Variants in WWOX observed in about 807,000 individuals in gnomAD.
WWOX encodes WW domain-containing oxidoreductase.
In WWOX, 69 loss-of-function variants were observed where a neutral mutation model predicts 46.2. The observed-to-expected ratio is 1.49, with a 90% CI of 1.23 to 1.82. WWOX has a LOEUF of 1.82. Ranked by LOEUF, WWOX falls within the 40% of genes most tolerant of loss-of-function variation. The probability of loss-of-function intolerance (pLI) is 0.00; values close to 1 mark genes in which losing one functional copy is unlikely to be tolerated. For missense variants in WWOX, 919 were observed against 542.6 expected (o/e 1.69, Z -6.89); for synonymous variants, 359 against 202.6 (o/e 1.77, Z -6.56).
Position 78,536,301 on chromosome 16 carries a change from C to T in WWOX, c.1056+103549C>T, listed in dbSNP as rs576452886. Among the ~76,000 whole-genome samples, 37 of 152,086 alleles carry T rather than the reference C, an allele frequency of 2.4e-4. No homozygotes were observed. In the South Asian group the frequency reaches 7.3e-3, roughly 30 times the overall value. ...GGTTGATTGGAGGGTCTGAGTTTCT[C>T]AGCTAAATGAAGGCATGAGGACTGT... On this transcript the variant is annotated intron_variant, in intron 8 of 8. Transcript: ENST00000566780.
chr16:78,711,988 G>T (rs971204706), intron 8 of WWOX, among the ~76,000 whole-genome samples: 2 of 152,146 alleles, frequency 1.3e-5, no homozygotes, highest in Non-Finnish European at 2.9e-5. Flanking sequence ...TCCATAATCT[G>T]TGCTAGTTCG....
Position 78,452,475 on chromosome 16 carries a change from C to CTT in WWOX, c.1056+19741_1056+19742dup, listed in dbSNP as rs397945707. The stretch of plus-strand genomic sequence containing the variant: ...AATAAATACTTTTTTCTCTCTCTCT[C>CTT]TTTTTTTTTTTTTTTTTTTGAGACG... On this transcript the variant is annotated intron_variant, in intron 8 of 8. Coordinates refer to ENST00000566780, the MANE Select transcript of WWOX (RefSeq NM_016373.4). Among the ~76,000 whole-genome samples the CTT allele has an allele frequency of 2.0e-3, 249 of 126,008 alleles. 3 individuals carry two copies. Among genetic ancestry groups the CTT allele is most frequent in the African/African-American group, 4.5e-3 (145 of 32,068 alleles). The allele number at this position is 126,008 out of a possible 152,430, so 82.7% of individuals were successfully genotyped here.
At chr16:79,106,150 C>G (rs1051593857) in intron 8 of WWOX, among the ~76,000 whole-genome samples, 1 of 152,190 alleles carries the variant, frequency 6.6e-6, no homozygotes, top group African/African-American at 2.4e-5. Context: ...AGACCTACTG[C>G]GTCTGGGGGC....
At chr16:78,697,053 C>T (rs1427165586) in intron 8 of WWOX, among the ~76,000 whole-genome samples, 4 of 152,162 alleles carry the variant, frequency 2.6e-5, no homozygotes, top group Non-Finnish European at 4.4e-5. Context: ...GTTTCTTTAT[C>T]CACTTGTTGG....
At chr16:78,391,122 G>A (rs972294347) in intron 6 of WWOX, among the ~76,000 whole-genome samples, 6 of 152,296 alleles carry the variant, frequency 3.9e-5, no homozygotes, top group South Asian at 2.1e-4. Context: ...GGAACCACCC[G>A]CCGTCTGCCT....
intron 8 of WWOX, among the ~76,000 whole-genome samples, chr16:79,025,843 G>T (rs2047629433): frequency 8.6e-6 from 1 of 115,846 alleles, no homozygotes. Context: ...TTGTCGCCTA[G>T]GCTGGAGTGC....
rs147878328 is a variant in WWOX, at chr16:79,010,960, T to C, written c.1057-200648T>C. Among the ~76,000 whole-genome samples, 20 of 151,876 alleles carry C rather than the reference T, an allele frequency of 1.3e-4. No homozygotes were observed. The East Asian group carries it at 3.7e-3, about 28-fold the overall frequency. ...GCTTTGGTTTCTACTTGGAGAGAAA[T>C]AGGGAGGTTTGGGCAGGCTCTGAGT... On this transcript the variant is annotated intron_variant, in intron 8 of 8. Transcript: ENST00000566780.
At chr16:78,219,328 C>G (rs2036817692) in intron 5 of WWOX, among the ~76,000 whole-genome samples, 1 of 152,144 alleles carries the variant, frequency 6.6e-6, no homozygotes. Flanking sequence ...TTTGCGCCAT[C>G]TACTAATCTC....
intron 8 of WWOX, among the ~76,000 whole-genome samples, chr16:78,957,002 G>A (rs565940799): frequency 6.6e-6 from 1 of 152,150 alleles, no homozygotes; most frequent in East Asian, 1.9e-4. Flanking sequence ...CTGGCAGCTT[G>A]AGGACTCCGT....
At chr16:79,001,939 GA>G (rs2047101216) in intron 8 of WWOX, among the ~76,000 whole-genome samples, 1 of 151,918 alleles carries the variant, frequency 6.6e-6, no homozygotes, top group Non-Finnish European at 1.5e-5. Flanking sequence ...CTGGAGGGAA[GA>G]AAAAAAGATG....
intron 8 of WWOX, among the ~76,000 whole-genome samples, chr16:78,809,098 C>T (rs913710368): frequency 6.6e-6 from 1 of 152,084 alleles, no homozygotes; most frequent in Non-Finnish European, 1.5e-5. Context: ...CGGCGTTCTG[C>T]ACACAGAGTG....
At chr16:79,188,935 C>A (rs533852252) in intron 8 of WWOX, among the ~76,000 whole-genome samples, 3 of 152,292 alleles carry the variant, frequency 2.0e-5, no homozygotes, top group African/African-American at 7.2e-5. Flanking sequence ...TATTACTTCT[C>A]ATAAATGCTC....
chr16:78,774,518 G>A (rs1038929923), intron 8 of WWOX, among the ~76,000 whole-genome samples: 5 of 148,930 alleles, frequency 3.4e-5, no homozygotes, highest in Non-Finnish European at 7.4e-5. Context: ...GTGTGTGTGT[G>A]TGTGTGTGTG....
intron 8 of WWOX, among the ~76,000 whole-genome samples, chr16:78,644,904 T>C (rs2046804492): frequency 6.6e-6 from 1 of 152,222 alleles, no homozygotes; most frequent in African/African-American, 2.4e-5. Flanking sequence ...GGAATATAGA[T>C]AGGAATTACT....
rs77559152 is a variant in WWOX, at chr16:78,518,727, G to C, written c.1056+85975G>C. 2.5e-3 allele frequency among the ~76,000 whole-genome samples: 386 copies of C among 152,334 alleles called. 1 individual carries two copies. The highest frequency in any genetic ancestry group is 9.0e-3 in the African/African-American group (376 of 41,580). ...TGGGGAACCAGTGGGCAGCCACACA[G>C]AGAAGGTCCCAATGGCACCAGAACA... On this transcript the variant is annotated intron_variant, in intron 8 of 8. Coordinates refer to ENST00000566780, the MANE Select transcript of WWOX (RefSeq NM_016373.4).
At chr16:78,265,688 A>G (rs1197544030) in intron 5 of WWOX, among the ~76,000 whole-genome samples, 9 of 151,224 alleles carry the variant, frequency 6.0e-5, no homozygotes, top group African/African-American at 1.7e-4. Flanking sequence ...CAAAAAAAAA[A>G]AAAAACAACA....
At chr16:78,118,422 G>T (rs2032920136) in intron 4 of WWOX, among the ~76,000 whole-genome samples, 1 of 152,148 alleles carries the variant, frequency 6.6e-6, no homozygotes, top group African/African-American at 2.4e-5. Flanking sequence ...TATTACCGCT[G>T]CTGACTGGAT....
intron 8 of WWOX, among the ~76,000 whole-genome samples, chr16:78,914,706 C>T (rs1047460720): frequency 6.6e-5 from 10 of 151,266 alleles, no homozygotes; most frequent in Admixed American, 2.6e-4. Context: ...GGTGAAACCC[C>T]GTCTCTACTA....
At chr16:78,538,015 G>A (rs1472715323) in intron 8 of WWOX, among the ~76,000 whole-genome samples, 3 of 151,932 alleles carry the variant, frequency 2.0e-5, no homozygotes, top group African/African-American at 7.3e-5. Flanking sequence ...GAAAAGATGA[G>A]GGTTGAATTA....
Sources: gnomAD v4.1 joint callset for allele counts (sites outside exome capture counted in the v4.1 genomes callset) on GRCh38, gnomAD v4.1.1 for gene constraint, MANE v1.5 for transcripts, NCBI Gene and HGNC (gene_info 2026-07-23, HGNC 2026-07-21) for gene names.